Variants in HPCAL1 observed in about 807,000 individuals in gnomAD.
HPCAL1 encodes the protein hippocalcin-like protein 1.
In HPCAL1, 8 loss-of-function variants were observed where a neutral mutation model predicts 17.1. The observed-to-expected ratio is 0.47, with a 90% CI of 0.27 to 0.84. HPCAL1 has a LOEUF of 0.84. Ranked by LOEUF, HPCAL1 falls within the 40% of genes least tolerant of loss-of-function variation. The pLI, the probability that HPCAL1 is intolerant of heterozygous loss-of-function variation, is 0.13. For synonymous variants in HPCAL1, 112 were observed against 111.4 expected (o/e 1.01, Z -0.03); for missense variants, 165 against 271.1 (o/e 0.61, Z 2.75).
intron 2 of HPCAL1, among the ~76,000 whole-genome samples, chr2:10,399,911 T>C: frequency 6.6e-6 from 1 of 152,186 alleles, no homozygotes; most frequent in East Asian, 1.9e-4. Flanking sequence ...GGCTCTGGGC[T>C]TCTGATGGAG....
rs771244006 is a variant in HPCAL1, at chr2:10,419,808, G to A, written c.51G>A (p.Arg17=). The change falls in exon 3 of 5, where the codon CGG becomes CGA. Residue 17 remains arginine (R), a synonymous_variant. Coordinates refer to ENST00000307845, the MANE Select transcript of HPCAL1 (RefSeq NM_002149.4). This position sits in a 1 kb window ranked among gnomAD's most constrained non-coding sequence, Gnocchi z 5.0. ...KLRPEVLQDL[R]ENTEFTDHEL... The stretch of plus-strand genomic sequence containing the variant: ...GGCCCGAGGTGCTGCAGGACCTGCG[G>A]GAGAACACGGAGTTCACCGACCACG... The A allele has an allele frequency of 1.2e-6, 2 of 1,613,522 alleles. No homozygotes were observed. Among genetic ancestry groups the A allele is most frequent in the African/African-American group, 1.3e-5 (1 of 74,924 alleles).
intron 2 of HPCAL1, among the ~76,000 whole-genome samples, chr2:10,401,849 C>A (rs1669630589): frequency 6.6e-6 from 1 of 152,172 alleles, no homozygotes; most frequent in South Asian, 2.1e-4. Flanking sequence ...CTCTGCCATC[C>A]AGCACCCAAG....
rs543160618 is a variant in HPCAL1 at position 10,321,817 on chromosome 2, G to A, written c.-111+18640G>A. Among the ~76,000 whole-genome samples, 43 of 152,256 alleles carry A rather than the reference G, an allele frequency of 2.8e-4. No homozygotes were observed. The South Asian group carries it at 8.9e-3, about 32-fold the overall frequency. ...TCTGTACTGCATGCCTGTAGATGGCGGAATAATATTCCAATGTATGGATAG... is the reference window on the plus strand; with the variant it reads ...TCTGTACTGCATGCCTGTAGATGGCAGAATAATATTCCAATGTATGGATAG... On this transcript the variant is annotated intron_variant, in intron 1 of 4. Coordinates refer to ENST00000307845, the MANE Select transcript of HPCAL1 (RefSeq NM_002149.4).
rs1002986701 is a variant in HPCAL1, at chr2:10,394,157, G to A, written c.-110-2678G>A. 3.3e-5 allele frequency among the ~76,000 whole-genome samples: 5 copies of A among 151,906 alleles called. No individual in the cohort carries two copies. Among genetic ancestry groups the A allele is most frequent in the Non-Finnish European group, 7.4e-5 (5 of 67,984 alleles). On this transcript the variant is annotated intron_variant, in intron 1 of 4. Coordinates refer to ENST00000307845, the MANE Select transcript of HPCAL1 (RefSeq NM_002149.4). This position sits in a 1 kb window ranked among gnomAD's most constrained non-coding sequence, Gnocchi z 5.0. ...AAAAAAAAAACCTTGTAACTAACCA[G>A]AGCAGCTGAAAAGAACAGAGCATGG...
intron 1 of HPCAL1, among the ~76,000 whole-genome samples, chr2:10,385,612 G>A (rs1479844189): frequency 6.6e-6 from 1 of 152,194 alleles, no homozygotes; most frequent in East Asian, 1.9e-4. Flanking sequence ...CTGCATGGAC[G>A]ATGGCAGAAT....
At chr2:10,390,085 C>A (rs1668594989) in intron 1 of HPCAL1, among the ~76,000 whole-genome samples, 1 of 152,204 alleles carries the variant, frequency 6.6e-6, no homozygotes, top group African/African-American at 2.4e-5. Context: ...AGTCAGGGAT[C>A]CCTGCCAGTC....
intron 1 of HPCAL1, among the ~76,000 whole-genome samples, chr2:10,382,141 G>C (rs770273530): frequency 6.6e-6 from 1 of 152,162 alleles, no homozygotes; most frequent in South Asian, 2.1e-4. Flanking sequence ...AAAGACATGG[G>C]GGAACTCATC....
At chr2:10,371,433 G>GGTGGT (rs1343756668) in intron 1 of HPCAL1, among the ~76,000 whole-genome samples, 2 of 151,512 alleles carry the variant, frequency 1.3e-5, no homozygotes, top group African/African-American at 2.4e-5. Context: ...GGTGGGGTGG[G>GGTGGT]GTGGGGGGAT....
intron 1 of HPCAL1, among the ~76,000 whole-genome samples, chr2:10,347,775 G>C (rs1341610955): frequency 6.6e-6 from 1 of 152,142 alleles, no homozygotes; most frequent in Non-Finnish European, 1.5e-5. Context: ...ACGGAGTATG[G>C]GCCAAATCGG....
At chr2:10,396,077 G>A (rs536669281) in intron 1 of HPCAL1, among the ~76,000 whole-genome samples, 146 of 152,324 alleles carry the variant, frequency 9.6e-4, no homozygotes, top group African/African-American at 3.4e-3. Context: ...AGAGCTGGCA[G>A]TGAGGGTTGA....
chr2:10,317,388 T>G (rs949292685), intron 1 of HPCAL1, among the ~76,000 whole-genome samples: 18 of 151,486 alleles, frequency 1.2e-4, no homozygotes, highest in African/African-American at 4.4e-4. Context: ...TTGGTGTGAA[T>G]GATGATTACC....
At position 10,419,728 on chromosome 2, in the gene HPCAL1, T is replaced by C; in HGVS notation, c.-24-6T>C. 1 of 1,588,884 alleles carries C rather than the reference T, an allele frequency of 6.3e-7. No individual in the cohort carries two copies. The highest frequency in any genetic ancestry group is 2.2e-5 in the East Asian group (1 of 44,726). On this transcript the variant is annotated splice_polypyrimidine_tract_variant and splice_region_variant and intron_variant, in intron 2 of 4. Coordinates refer to ENST00000307845, the MANE Select transcript of HPCAL1 (RefSeq NM_002149.4). This position sits in a 1 kb window ranked among gnomAD's most constrained non-coding sequence, Gnocchi z 5.0. ...TGGCGTCCCCGGCTGACCCCCTGTC[T>C]TGCAGGTGTAGTCGCCGCCGCCAGC...
At chr2:10,370,564 TG>T (rs1166612228) in intron 1 of HPCAL1, among the ~76,000 whole-genome samples, 1 of 152,126 alleles carries the variant, frequency 6.6e-6, no homozygotes, top group Non-Finnish European at 1.5e-5. Flanking sequence ...GTCTAACATG[TG>T]GGAACTGAGC....
chr2:10,320,489 T>C (rs1286676724), intron 1 of HPCAL1, among the ~76,000 whole-genome samples: 1 of 152,216 alleles, frequency 6.6e-6, no homozygotes, highest in African/African-American at 2.4e-5. Flanking sequence ...TCTGACGTGA[T>C]TGTAGGTTTC....
At chr2:10,315,018 G>A (rs745584847) in intron 1 of HPCAL1, among the ~76,000 whole-genome samples, 5 of 152,138 alleles carry the variant, frequency 3.3e-5, no homozygotes, top group African/African-American at 9.7e-5. Context: ...CAGGCCAGGC[G>A]CGGTGGCTCA....
At chr2:10,424,540 C>A in intron 4 of HPCAL1, 1 of 471,066 alleles carries the variant, frequency 2.1e-6, no homozygotes. Flanking sequence ...CTGGGGAAGC[C>A]ACCCATGGTC....
intron 2 of HPCAL1, among the ~76,000 whole-genome samples, chr2:10,411,248 GGA>G (rs1238181269): frequency 6.6e-6 from 1 of 152,202 alleles, no homozygotes; most frequent in African/African-American, 2.4e-5. Context: ...GTCTTGGCAT[GGA>G]AAGGGCCCAG....
At chr2:10,402,920 A>G (rs886841072) in intron 2 of HPCAL1, among the ~76,000 whole-genome samples, 1 of 152,162 alleles carries the variant, frequency 6.6e-6, no homozygotes, top group Non-Finnish European at 1.5e-5. Flanking sequence ...ACACCTCTTC[A>G]GTCTAACATT....
rs1662375148 is a variant in HPCAL1 at position 10,303,182 on chromosome 2, G to A, written c.-111+5G>A. ...CCGCGTCCTGCGCCGGAGCAGGTAG[G>A]GAAGGGGCGGGCTGCGGTCTGCTGG... On this transcript the variant is annotated splice_donor_5th_base_variant and intron_variant, in intron 1 of 4. Coordinates refer to ENST00000307845, the MANE Select transcript of HPCAL1 (RefSeq NM_002149.4). 6.6e-6 allele frequency: 1 copy of A among 152,146 alleles called. No individual in the cohort carries two copies. The highest frequency in any genetic ancestry group is 2.1e-4 in the South Asian group (1 of 4,836). The allele number at this position is 152,146 out of a possible 1,614,324, so 9.4% of individuals were successfully genotyped here.
Sources: gnomAD v4.1 joint callset for allele counts (sites outside exome capture counted in the v4.1 genomes callset) on GRCh38, gnomAD v4.1.1 for gene constraint, Gnocchi (gnomAD v3.1) non-coding constraint, MANE v1.5 for transcripts, NCBI Gene and HGNC (gene_info 2026-07-23, HGNC 2026-07-21) for gene names.